The following ZNF385B variants were observed in gnomAD, a reference collection of about 807,000 sequenced individuals.
The protein encoded by ZNF385B is zinc finger protein 533.
Under a neutral mutation model 39.2 loss-of-function variants are expected in ZNF385B, and 23 were observed. That is an observed-to-expected ratio of 0.59 (90% CI 0.42 to 0.83). The LOEUF is 0.83. Ranked by LOEUF, ZNF385B falls within the 40% of genes least tolerant of loss-of-function variation. The pLI, the probability that ZNF385B is intolerant of heterozygous loss-of-function variation, is 0.00. For synonymous variants in ZNF385B, 205 were observed against 222.6 expected, an observed-to-expected ratio of 0.92 and a Z score of 0.70; for missense variants, 552 against 598.9, an observed-to-expected ratio of 0.92 and a Z score of 0.82.
intron 6 of ZNF385B, among the ~76,000 whole-genome samples, chr2:179,448,174 A>G (rs1344908573): frequency 6.6e-6 from 1 of 152,064 alleles, no homozygotes; most frequent in African/African-American, 2.4e-5. Flanking sequence ...ATGATGGAAA[A>G]GCTCTTAGAC....
At chr2:179,599,242 A>G (rs1268001789) in intron 3 of ZNF385B, among the ~76,000 whole-genome samples, 2 of 152,228 alleles carry the variant, frequency 1.3e-5, no homozygotes, top group Non-Finnish European at 2.9e-5. Context: ...TTTGAGTTTC[A>G]TGATCAGAAT....
At chr2:179,782,948 C>T (rs1346023920) in intron 1 of ZNF385B, among the ~76,000 whole-genome samples, 3 of 152,144 alleles carry the variant, frequency 2.0e-5, no homozygotes, top group Admixed American at 6.6e-5. Flanking sequence ...TATCAAACTA[C>T]GAATGACATT....
intron 1 of ZNF385B, among the ~76,000 whole-genome samples, chr2:179,780,543 C>G (rs16866991): frequency 0.13 from 19,972 of 152,148 alleles, 1,796 homozygotes; most frequent in East Asian, 0.49. Context: ...TGCCTCCTTG[C>G]AGTAATTTTC....
intron 6 of ZNF385B, among the ~76,000 whole-genome samples, chr2:179,469,828 T>G (rs1169979559): frequency 3.3e-5 from 5 of 152,158 alleles, no homozygotes; most frequent in Admixed American, 2.6e-4. Flanking sequence ...AAAATGGACT[T>G]GGCGCTATGA....
At chr2:179,614,767 T>G (rs1689593939) in intron 3 of ZNF385B, among the ~76,000 whole-genome samples, 1 of 152,246 alleles carries the variant, frequency 6.6e-6, no homozygotes, top group Non-Finnish European at 1.5e-5. Flanking sequence ...AAGTGTGAAG[T>G]ATGCTTAAGA....
intron 3 of ZNF385B, among the ~76,000 whole-genome samples, chr2:179,725,403 TCA>T (rs1377391453): frequency 6.6e-6 from 1 of 151,858 alleles, no homozygotes; most frequent in Non-Finnish European, 1.5e-5. Context: ...AAATTACTCA[TCA>T]CATATATATA....
intron 3 of ZNF385B, among the ~76,000 whole-genome samples, chr2:179,695,701 C>T (rs1297182227): frequency 6.6e-6 from 1 of 152,180 alleles, no homozygotes; most frequent in East Asian, 1.9e-4. Context: ...AATAAGTTTT[C>T]ATGAGAACAT....
At chr2:179,473,757 T>C (rs1183566145) in intron 6 of ZNF385B, among the ~76,000 whole-genome samples, 3 of 152,164 alleles carry the variant, frequency 2.0e-5, no homozygotes, top group Non-Finnish European at 4.4e-5. Context: ...AACTCCCACT[T>C]ATGAGTGAGA....
chr2:179,770,031 A>C (rs1335884825), intron 2 of ZNF385B, among the ~76,000 whole-genome samples: 1 of 152,064 alleles, frequency 6.6e-6, no homozygotes, highest in East Asian at 1.9e-4. Context: ...CACCTGGAGC[A>C]CTTTATACCC....
intron 3 of ZNF385B, among the ~76,000 whole-genome samples, chr2:179,645,996 A>T (rs1692686409): frequency 6.6e-6 from 1 of 152,124 alleles, no homozygotes. Flanking sequence ...CCTTCTTTCC[A>T]TTGCCATCCC....
At chr2:179,584,434 G>A (rs1686872167) in intron 3 of ZNF385B, among the ~76,000 whole-genome samples, 1 of 152,116 alleles carries the variant, frequency 6.6e-6, no homozygotes, top group Non-Finnish European at 1.5e-5. Flanking sequence ...TCTAGGGGCA[G>A]GAAAGTTTTC....
At chr2:179,665,722 C>T (rs1432499504) in intron 3 of ZNF385B, among the ~76,000 whole-genome samples, 1 of 152,140 alleles carries the variant, frequency 6.6e-6, no homozygotes, top group East Asian at 1.9e-4. Flanking sequence ...CACTGGATAG[C>T]AGACGTTCAA....
intron 6 of ZNF385B, among the ~76,000 whole-genome samples, chr2:179,470,327 T>C (rs2052595981): frequency 6.6e-6 from 1 of 152,204 alleles, no homozygotes; most frequent in African/African-American, 2.4e-5. Context: ...CTAATGTCTA[T>C]GTTTTGTCAT....
intron 3 of ZNF385B, among the ~76,000 whole-genome samples, chr2:179,685,715 G>C (rs1172148234): frequency 6.6e-6 from 1 of 151,792 alleles, no homozygotes; most frequent in Non-Finnish European, 1.5e-5. Flanking sequence ...AATAAAAAAA[G>C]TCAGTTCCCA....
intron 3 of ZNF385B, among the ~76,000 whole-genome samples, chr2:179,753,632 T>C (rs1702824736): frequency 6.6e-6 from 1 of 152,248 alleles, no homozygotes; most frequent in South Asian, 2.1e-4. Context: ...TTTGTAGTTC[T>C]CCTTGAAGAG....
chr2:179,623,905 T>A (rs545847416), intron 3 of ZNF385B, among the ~76,000 whole-genome samples: 2 of 152,268 alleles, frequency 1.3e-5, no homozygotes, highest in South Asian at 4.2e-4. Flanking sequence ...TTCAAAAGAG[T>A]TGTTAGACTT....
At chr2:179,732,535 T>C (rs992334) in intron 3 of ZNF385B, among the ~76,000 whole-genome samples, 34,489 of 152,112 alleles carry the variant, frequency 0.23, 3,910 homozygotes, top group East Asian at 0.28. Flanking sequence ...CTGATCATAA[T>C]ATTAATCAAA....
At chr2:179,480,475 T>C (rs2053869707) in intron 6 of ZNF385B, among the ~76,000 whole-genome samples, 1 of 152,174 alleles carries the variant, frequency 6.6e-6, no homozygotes, top group South Asian at 2.1e-4. Flanking sequence ...TCAACAAAAA[T>C]CTATGACTCT....
intron 1 of ZNF385B, among the ~76,000 whole-genome samples, chr2:179,834,187 C>T (rs918943881): frequency 1.3e-5 from 2 of 152,062 alleles, no homozygotes; most frequent in Non-Finnish European, 2.9e-5. Context: ...ATGATACCCC[C>T]ATCCTGGAAG....
Sources: allele counts gnomAD v4.1 joint callset (sites outside exome capture counted in the v4.1 genomes callset), GRCh38; gene constraint gnomAD v4.1.1; transcripts MANE v1.5; gene names NCBI Gene and HGNC (gene_info 2026-07-23, HGNC 2026-07-21).